COG4: variants seen among roughly 807,000 people sequenced by gnomAD.
COG4 encodes conserved oligomeric Golgi complex subunit 4.
Under a neutral mutation model 95.1 loss-of-function variants are expected in COG4, and 65 were observed. The observed-to-expected ratio is 0.68, with a 90% confidence interval of 0.56 to 0.84. The LOEUF is 0.84. Among genes scored for constraint, COG4 ranks in the 40% least tolerant of loss-of-function variants. The pLI, the probability that COG4 is intolerant of heterozygous loss-of-function variation, is 0.00. For missense variants in COG4, 1,045 were observed against 989.1 expected (o/e 1.06, Z -0.76); for synonymous variants, 421 against 374.8 (o/e 1.12, Z -1.42).
intron 8 of COG4, among the ~76,000 whole-genome samples, chr16:70,506,609 A>C (rs2049575483): frequency 1.6e-5 from 1 of 61,232 alleles, no homozygotes; most frequent in Non-Finnish European, 3.2e-5. Context: ...AAAAAAAAAA[A>C]AAAAAAAACA....
intron 2 of COG4, among the ~76,000 whole-genome samples, chr16:70,519,086 G>T (rs1304329879): frequency 1.3e-5 from 2 of 151,252 alleles, no homozygotes; most frequent in Non-Finnish European, 2.9e-5. Context: ...TTCTGATTTT[G>T]TAAGTTTGGA....
chr16:70,505,079 G>C lies in COG4; in HGVS notation c.1061+3327C>G, dbSNP rs949776178. Among the ~76,000 whole-genome samples, 20 of 152,058 alleles carry C rather than the reference G, an allele frequency of 1.3e-4. No homozygotes were observed. In the East Asian group the frequency reaches 3.7e-3, roughly 28 times the overall value. On this transcript the variant is annotated intron_variant, in intron 8 of 18. Transcript: ENST00000323786. ...CTACTTTATAGACCATAGATGCCAC[G>C]AAGAAAAAATTATGTTTGCTTGCTC...
chr16:70,503,827 C>T (rs1398773768), intron 8 of COG4, among the ~76,000 whole-genome samples: 4 of 123,122 alleles, frequency 3.2e-5, no homozygotes, highest in Non-Finnish European at 5.9e-5. Flanking sequence ...ATCTCCTGAC[C>T]TCGTGATCCG....
intron 4 of COG4, 95 bp downstream of exon 4, chr16:70,514,240 C>T (rs932634713): frequency 5.9e-6 from 7 of 1,189,080 alleles, no homozygotes; most frequent in South Asian, 2.6e-5. Context: ...AAGAAAACTT[C>T]CTAAAAACTG....
At position 70,512,153 on chromosome 16, in the gene COG4, T is replaced by C. The variant is rs753579832; in HGVS notation, c.738+86A>G. ...GGAGTCATATCCAGAAGAGAGAAAGTATCCACAGAAACTGGATCCATCCAG... is the reference window on the plus strand; with the variant it reads ...GGAGTCATATCCAGAAGAGAGAAAGCATCCACAGAAACTGGATCCATCCAG... On this transcript the variant is annotated intron_variant, in intron 5 of 18. Transcript: ENST00000323786. 212 of 1,238,272 alleles carry C rather than the reference T, an allele frequency of 1.7e-4. 1 individual carries two copies. The highest frequency in any genetic ancestry group is 2.4e-4 in the Non-Finnish European group (206 of 844,482). The allele number at this position is 1,238,272 out of a possible 1,614,324, so 76.7% of individuals were successfully genotyped here.
chr16:70,481,278 G>A, intron 18 of COG4, 81 bp downstream of exon 18: 1 of 1,608,288 alleles, frequency 6.2e-7, no homozygotes, highest in East Asian at 2.2e-5. Context: ...TGGCAGACAT[G>A]GTTTAGAGGG....
chr16:70,494,293 T>C (rs572028838), intron 12 of COG4, among the ~76,000 whole-genome samples: 2 of 152,288 alleles, frequency 1.3e-5, no homozygotes, highest in South Asian at 2.1e-4. Context: ...GATTTCAAAG[T>C]TTCCCCTGTA....
At chr16:70,493,203 C>A (rs974129701) in intron 12 of COG4, among the ~76,000 whole-genome samples, 5 of 152,112 alleles carry the variant, frequency 3.3e-5, no homozygotes, top group Non-Finnish European at 5.9e-5. Context: ...TCTTAATGGT[C>A]CTTAGGATTT....
intron 12 of COG4, among the ~76,000 whole-genome samples, chr16:70,493,065 T>C (rs1378073272): frequency 6.6e-6 from 1 of 152,120 alleles, no homozygotes; most frequent in Admixed American, 6.6e-5. Flanking sequence ...TCAAGGAAGG[T>C]TCCATGACAG....
At position 70,517,758 on chromosome 16, in the gene COG4, T is replaced by C. The variant is rs1369398024; in HGVS notation, c.255-18A>G. On this transcript the variant is annotated intron_variant, in intron 2 of 18. Transcript: ENST00000323786. Reference sequence around the variant, plus strand: ...GATTAGGACTGGAGAAATACATTGTTAGCATACACATAACGATAGGGCAGA... The same window carrying C: ...GATTAGGACTGGAGAAATACATTGTCAGCATACACATAACGATAGGGCAGA... 2 of 1,528,866 alleles carry C rather than the reference T, an allele frequency of 1.3e-6. No individual in the cohort carries two copies. The highest frequency in any genetic ancestry group is 1.7e-5 in the Admixed American group (1 of 59,896). The allele number at this position is 1,528,866 out of a possible 1,614,324, so 94.7% of individuals were successfully genotyped here. A position where few individuals can be genotyped will look rare whatever the true frequency, so the allele number is the denominator to read the frequency against.
At chr16:70,523,181 C>A in intron 1 of COG4, 192 bp downstream of exon 1, 1 of 641,020 alleles carries the variant, frequency 1.6e-6, no homozygotes, top group South Asian at 1.8e-5. Context: ...TCAGGGAAGA[C>A]AAGCTCGGCG....
At position 70,511,054 on chromosome 16, in the gene COG4, C is replaced by T. The variant is rs183869317; in HGVS notation, c.739-1033G>A. Among the ~76,000 whole-genome samples, 415 of 152,236 alleles carry T rather than the reference C, an allele frequency of 2.7e-3. 1 individual carries two copies. The highest frequency in any genetic ancestry group is 2.9e-3 in the Non-Finnish European group (195 of 68,010). On this transcript the variant is annotated intron_variant, in intron 5 of 18. Transcript: ENST00000323786. ...TGCTGGGATTACAGGCGTGAGTCAC[C>T]GCGCCTGGCCTGTATTTTGTTTTTA... is the stretch of plus-strand genomic sequence containing the variant.
chr16:70,515,684 A>AAATC (rs377626802), intron 3 of COG4, among the ~76,000 whole-genome samples: 32 of 151,350 alleles, frequency 2.1e-4, no homozygotes, highest in Non-Finnish European at 3.5e-4. Flanking sequence ...CTCTGTCTCA[A>AAATC]AATCAATCAA....
rs1389668908 is a variant in COG4 at position 70,483,140 on chromosome 16, C to T, written c.1828-319G>A. ...TCCCCACCACATCCCTCTCTCGTCT[C>T]CCCACCCCTTCCCTCTCTCCTCTCC... On this transcript the variant is annotated intron_variant, in intron 14 of 18. Transcript: ENST00000323786. Among the ~76,000 whole-genome samples, 3 of 86,796 alleles carry T rather than the reference C, an allele frequency of 3.5e-5. No homozygotes were observed. The Admixed American group carries it at 3.6e-4, about 10-fold the overall frequency. 56.9% of individuals were successfully genotyped at this position (86,796 alleles called of 152,430 possible).
Position 70,483,973 on chromosome 16 carries a change from G to A in COG4, c.1711-4C>T. On this transcript the variant is annotated splice_polypyrimidine_tract_variant and splice_region_variant and intron_variant, in intron 13 of 18. Coordinates refer to ENST00000323786, the MANE Select transcript of COG4 (RefSeq NM_015386.3). The stretch of plus-strand genomic sequence containing the variant: ...TGAAGAGCTTGGTGCAGTCACTCTA[G>A]GGGAGAACACTGCTGTAAGACCACC... 1 of 1,606,396 alleles carries A rather than the reference G, an allele frequency of 6.2e-7. No individual in the cohort carries two copies.
Position 70,481,077 on chromosome 16 carries a change from T to G in COG4, c.2303A>C (p.Glu768Ala). 6.2e-7 allele frequency: 1 copy of G among 1,613,366 alleles called. No individual in the cohort carries two copies. Among genetic ancestry groups the G allele is most frequent in the Non-Finnish European group, 8.5e-7 (1 of 1,180,022 alleles). Residue 768 changes from glutamate to alanine, a missense_variant, in exon 19 of 19, where the codon GAA (glutamate) becomes GCA (alanine). By Grantham distance (107) the Glu-to-Ala change is moderately radical (BLOSUM62 -1). Transcript: ENST00000323786. The part of the protein sequence containing the change: ...GPLTWRLTPA[E>A]VRQVLALRID... The stretch of plus-strand genomic sequence containing the variant: ...CCGCAGGGCCAGCACCTGGCGCACT[T>G]CAGCAGGGGTGAGGCGCCACGTCAA...
chr16:70,497,428 G>A (rs1262718661), intron 10 of COG4, 41 bp from the exon 11 acceptor site: 1 of 1,595,346 alleles, frequency 6.3e-7, no homozygotes, highest in Non-Finnish European at 8.6e-7. Context: ...TCCCAGTTGT[G>A]CATGTCATGT....
In COG4 at chr16:70,483,916, G is replaced by A; in HGVS notation, c.1764C>T (p.Ala588=). 1 of 1,613,276 alleles carries A rather than the reference G, an allele frequency of 6.2e-7. No homozygotes were observed. The change falls in exon 14 of 19, where the codon GCC becomes GCT. Residue 588 remains alanine, a synonymous_variant. Transcript: ENST00000323786. ...SQGIGGEQAQ[A]KFDSCLSDLA... Reference sequence around the variant, plus strand: ...AGTCAGAAAGGCAGCTGTCAAACTTGGCCTGGGCCTGCTCCCCTCCAATGC... The same window carrying A: ...AGTCAGAAAGGCAGCTGTCAAACTTAGCCTGGGCCTGCTCCCCTCCAATGC...
At chr16:70,509,103 TGC>T in intron 7 of COG4, 126 bp downstream of exon 7, 1 of 1,170,904 alleles carries the variant, frequency 8.5e-7, no homozygotes, top group South Asian at 1.3e-5. Context: ...CAGGCCAGTG[TGC>T]GCTTAGCATT....
Sources: gnomAD v4.1 joint callset for allele counts (sites outside exome capture counted in the v4.1 genomes callset) on GRCh38, gnomAD v4.1.1 for gene constraint, MANE v1.5 for transcripts, NCBI Gene and HGNC (gene_info 2026-07-23, HGNC 2026-07-21) for gene names.